The following CYTH3 variants were observed in gnomAD, a reference collection of about 807,000 sequenced individuals.
The protein encoded by CYTH3 is cytohesin 3.
Under a neutral mutation model 55.1 loss-of-function variants are expected in CYTH3, and 23 were observed. The ratio of observed to expected loss-of-function variants is 0.42; its 90% CI spans 0.30 to 0.59. The LOEUF (loss-of-function observed/expected upper bound fraction) is 0.59. CYTH3 is among the 20% of genes least tolerant of loss of function. CYTH3 has a pLI of 0.20. For synonymous variants in CYTH3, 249 were observed against 194.9 expected (o/e 1.28, Z -2.31); for missense variants, 413 against 524.8 (o/e 0.79, Z 2.08).
At position 6,167,221 on chromosome 7, in the gene CYTH3, TC is replaced by T. The variant is rs2128536050; in HGVS notation, c.824-1412del. On this transcript the variant is annotated intron_variant, in intron 9 of 12. Coordinates refer to ENST00000350796, the MANE Select transcript of CYTH3 (RefSeq NM_004227.4). The surrounding 1 kb of genome is among the most constrained non-coding windows in gnomAD (Gnocchi z 5.5). ...CTCTGCAAGCCCTTGGCCTTCACCT[TC>T]CCCACCTCCACTGCAGCACACCAGG... Among the ~76,000 whole-genome samples the T allele has an allele frequency of 6.6e-6, 1 of 152,082 alleles. No individual in the cohort carries two copies. The highest frequency in any genetic ancestry group is 2.4e-5 in the African/African-American group (1 of 41,476).
At chr7:6,205,873 CTT>C (rs1328017816) in intron 1 of CYTH3, among the ~76,000 whole-genome samples, 4 of 58,950 alleles carry the variant, frequency 6.8e-5, no homozygotes, top group African/African-American at 2.4e-4. Flanking sequence ...GGTCCTATCT[CTT>C]AAAAAAAAAA....
intron 2 of CYTH3, chr7:6,188,726 C>T (rs1396469517): frequency 1.3e-5 from 2 of 152,204 alleles, no homozygotes; most frequent in African/African-American, 4.8e-5. Flanking sequence ...TCCAACTTCC[C>T]TGGGCCTCAG....
chr7:6,218,254 T>A (rs1255928818), intron 1 of CYTH3, among the ~76,000 whole-genome samples: 1 of 152,012 alleles, frequency 6.6e-6, no homozygotes, highest in Non-Finnish European at 1.5e-5. Context: ...ATAAAAAATG[T>A]CCATATAAGA....
At chr7:6,181,398 C>T (rs1222645260) in intron 4 of CYTH3, among the ~76,000 whole-genome samples, 2 of 152,218 alleles carry the variant, frequency 1.3e-5, no homozygotes, top group African/African-American at 2.4e-5. Context: ...ACAGGACAGA[C>T]AGAATTTGGG....
rs569540859 is a variant in CYTH3 at position 6,268,462 on chromosome 7, G to A, written c.34+4012C>T. Among the ~76,000 whole-genome samples the A allele has an allele frequency of 1.2e-3, 185 of 152,248 alleles. 1 individual carries two copies. The highest frequency in any genetic ancestry group is 4.4e-3 in the African/African-American group (183 of 41,538). On this transcript the variant is annotated intron_variant, in intron 1 of 12. Coordinates refer to ENST00000350796, the MANE Select transcript of CYTH3 (RefSeq NM_004227.4). ...TAGGATTATAGGTGAGAGCCGCCGC[G>A]CCCGGCCTGCTCTTGTAACTTAAGA...
At chr7:6,198,183 A>T (rs2128546104) in intron 1 of CYTH3, among the ~76,000 whole-genome samples, 1 of 152,356 alleles carries the variant, frequency 6.6e-6, no homozygotes, top group South Asian at 2.1e-4. Context: ...ATTTGGGGAA[A>T]GCATTACTAG....
At position 6,187,680 on chromosome 7, in the gene CYTH3, G is replaced by A. The variant is rs754304399; in HGVS notation, c.159C>T (p.Asp53=). 6.2e-7 allele frequency: 1 copy of A among 1,614,052 alleles called. No individual in the cohort carries two copies. Among genetic ancestry groups the A allele is most frequent in the Non-Finnish European group, 8.5e-7 (1 of 1,179,918 alleles). The change falls in exon 3 of 13, where the codon GAC becomes GAT. Residue 53 remains aspartate, a synonymous_variant. Transcript: ENST00000350796. The stretch of plus-strand genomic sequence containing the variant: ...ACCTCTCCTCTACGGAAGTTAGATT[G>A]TCGATCTCTGTCATCACCTCTGCAA... ...YEIAEVMTEI[D]NLTSVEESKT...
rs139718227 is a variant in CYTH3, at chr7:6,243,909, G to A, written c.34+28565C>T. Among the ~76,000 whole-genome samples, 253 of 152,270 alleles carry A rather than the reference G, an allele frequency of 1.7e-3. 3 individuals are homozygous for A. Among genetic ancestry groups the A allele is most frequent in the Non-Finnish European group, 1.2e-3 (81 of 68,016 alleles). Reference sequence around the variant, plus strand: ...AGTGAATTTTTAAAAAGATTTCATTGTCATTGTTGTCTCATCAAAATGGAA... The same window carrying A: ...AGTGAATTTTTAAAAAGATTTCATTATCATTGTTGTCTCATCAAAATGGAA... On this transcript the variant is annotated intron_variant, in intron 1 of 12. Coordinates refer to ENST00000350796, the MANE Select transcript of CYTH3 (RefSeq NM_004227.4).
chr7:6,185,567 GC>G (rs1183871027), intron 4 of CYTH3, among the ~76,000 whole-genome samples: 2 of 151,994 alleles, frequency 1.3e-5, no homozygotes, highest in Non-Finnish European at 2.9e-5. Context: ...GGGCATGGTG[GC>G]AGGCACCTGT....
At chr7:6,259,275 GATTTT>G (rs1294988319) in intron 1 of CYTH3, among the ~76,000 whole-genome samples, 3 of 152,184 alleles carry the variant, frequency 2.0e-5, no homozygotes, top group Non-Finnish European at 4.4e-5. Context: ...GCAAATTGCT[GATTTT>G]ATTAATTACA....
At position 6,223,332 on chromosome 7, in the gene CYTH3, G is replaced by C. The variant is rs189277778; in HGVS notation, c.35-32801C>G. ...TCTGGGAAGTGTACCCAACAGCTCT[G>C]AAGAGACAGTGACCATCAAGAACGG... is the stretch of plus-strand genomic sequence containing the variant. On this transcript the variant is annotated intron_variant, in intron 1 of 12. Coordinates refer to ENST00000350796, the MANE Select transcript of CYTH3 (RefSeq NM_004227.4). 2.6e-3 allele frequency among the ~76,000 whole-genome samples: 399 copies of C among 152,344 alleles called. 2 individuals carry two copies. Among genetic ancestry groups the C allele is most frequent in the Middle Eastern group, 6.8e-3 (2 of 294 alleles).
At chr7:6,229,422 G>GTT (rs2128553241) in intron 1 of CYTH3, among the ~76,000 whole-genome samples, 1 of 152,242 alleles carries the variant, frequency 6.6e-6, no homozygotes, top group East Asian at 1.9e-4. Context: ...ACAAGCAACA[G>GTT]TGGTCCACCG....
At chr7:6,212,435 C>T (rs1438391113) in intron 1 of CYTH3, among the ~76,000 whole-genome samples, 1 of 152,076 alleles carries the variant, frequency 6.6e-6, no homozygotes, top group Admixed American at 6.6e-5. Flanking sequence ...TTCTCCCTTT[C>T]CCCATCCCCA....
intron 1 of CYTH3, among the ~76,000 whole-genome samples, chr7:6,264,062 C>A (rs1037058624): frequency 6.6e-6 from 1 of 152,000 alleles, no homozygotes; most frequent in East Asian, 1.9e-4. Flanking sequence ...GCCTGGCCAA[C>A]ATGGTGAAAC....
chr7:6,226,107 C>T (rs575486439), intron 1 of CYTH3, among the ~76,000 whole-genome samples: 13 of 152,300 alleles, frequency 8.5e-5, no homozygotes, highest in African/African-American at 3.1e-4. Flanking sequence ...GCAAACCCTA[C>T]ATCAAGGAAT....
chr7:6,179,827 C>G (rs529489095), intron 4 of CYTH3, among the ~76,000 whole-genome samples: 1 of 131,818 alleles, frequency 7.6e-6, no homozygotes, highest in African/African-American at 2.9e-5. Context: ...ACACCACACA[C>G]GCACACCACA....
In CYTH3 at chr7:6,164,807, TG is replaced by T; in HGVS notation, c.*136del. 1.0e-6 allele frequency: 1 copy of T among 983,236 alleles called. No homozygotes were observed. The highest frequency in any genetic ancestry group is 1.6e-6 in the Non-Finnish European group (1 of 634,888). 60.9% of individuals were successfully genotyped at this position (983,236 alleles called of 1,614,324 possible). ...GGCACGAGGCCTTGGGGATACCACC[TG>T]GGCCACGGTATGCTCTGGAGCAGCA... On this transcript the variant is annotated 3_prime_UTR_variant, in exon 13 of 13. Transcript: ENST00000350796.
intron 1 of CYTH3, 71 bp downstream of exon 1, chr7:6,272,403 C>A (rs1583214471): frequency 5.7e-6 from 7 of 1,217,424 alleles, no homozygotes; most frequent in Non-Finnish European, 7.3e-6. Flanking sequence ...CCCAGCGCCG[C>A]GCCCTCGACC....
At chr7:6,259,794 T>TA (rs60943853) in intron 1 of CYTH3, among the ~76,000 whole-genome samples, 399 of 17,940 alleles carry the variant, frequency 0.022, 10 homozygotes, top group South Asian at 0.042. Context: ...AATATATATA[T>TA]ATATATATAT....
Sources: allele counts gnomAD v4.1 joint callset (sites outside exome capture counted in the v4.1 genomes callset), GRCh38; gene constraint gnomAD v4.1.1; non-coding constraint Gnocchi (gnomAD v3.1); transcripts MANE v1.5; gene names NCBI Gene and HGNC (gene_info 2026-07-23, HGNC 2026-07-21).